COL24A1: variants seen among roughly 807,000 people sequenced by gnomAD.
COL24A1 encodes the protein collagen alpha-1(XXIV) chain.
A neutral mutation model predicts 253.9 loss-of-function variants in COL24A1; 224 were observed. The observed-to-expected ratio is 0.88, with a 90% CI of 0.79 to 0.99. The LOEUF is 0.99. Ranked by LOEUF, COL24A1 falls within the 50% of genes least tolerant of loss-of-function variation. COL24A1 has a pLI of 0.00. For synonymous variants in COL24A1, 685 were observed against 673.7 expected, an observed-to-expected ratio of 1.02 and a Z score of -0.26; for missense variants, 2,131 against 2,068.5, an observed-to-expected ratio of 1.03 and a Z score of -0.59.
chr1:85,971,070 G>T (rs1012830767), intron 21 of COL24A1, among the ~76,000 whole-genome samples: 12 of 152,188 alleles, frequency 7.9e-5, no homozygotes, highest in Admixed American at 2.6e-4. Flanking sequence ...AATTAGCCAG[G>T]CATGGTGGTG....
At chr1:85,811,204 T>G (rs192780399) in intron 47 of COL24A1, among the ~76,000 whole-genome samples, 3 of 152,320 alleles carry the variant, frequency 2.0e-5, no homozygotes, top group African/African-American at 4.8e-5. Flanking sequence ...AATGTCACAT[T>G]TTGTTTATTC....
chr1:86,081,118 T>C (rs1028016951), intron 7 of COL24A1, among the ~76,000 whole-genome samples: 1 of 152,188 alleles, frequency 6.6e-6, no homozygotes, highest in African/African-American at 2.4e-5. Flanking sequence ...CATCATTTAT[T>C]TGAAAAAAAT....
chr1:86,009,434 G>A lies in COL24A1; in HGVS notation c.2310+7717C>T, dbSNP rs574768940. 7.2e-5 allele frequency among the ~76,000 whole-genome samples: 11 copies of A among 152,256 alleles called. No individual in the cohort carries two copies. In the South Asian group the frequency reaches 2.1e-3, roughly 29 times the overall value. ...TACTTCCACAGACCTAGATAGTATA[G>A]TCTACTACAAACCTAAGCTATATGG... is the stretch of plus-strand genomic sequence containing the variant. On this transcript the variant is annotated intron_variant, in intron 19 of 59. Transcript: ENST00000370571.
intron 12 of COL24A1, among the ~76,000 whole-genome samples, chr1:86,041,235 T>C (rs1055203644): frequency 6.6e-6 from 1 of 152,164 alleles, no homozygotes; most frequent in Non-Finnish European, 1.5e-5. Flanking sequence ...ACAGTTTTGC[T>C]CTTTGTCAAA....
intron 2 of COL24A1, among the ~76,000 whole-genome samples, chr1:86,131,772 T>A (rs1337407164): frequency 6.6e-6 from 1 of 152,124 alleles, no homozygotes; most frequent in Non-Finnish European, 1.5e-5. Flanking sequence ...TGTTGAACAT[T>A]TGGGTTGGTT....
At chr1:85,835,699 CA>C (rs1675921781) in intron 43 of COL24A1, among the ~76,000 whole-genome samples, 2 of 151,936 alleles carry the variant, frequency 1.3e-5, no homozygotes, top group Non-Finnish European at 2.9e-5. Context: ...ATCCAGAATA[CA>C]GAAATCCAGA....
intron 19 of COL24A1, among the ~76,000 whole-genome samples, chr1:86,004,409 C>T (rs1695733672): frequency 6.6e-6 from 1 of 152,052 alleles, no homozygotes; most frequent in Non-Finnish European, 1.5e-5. Context: ...AGGAGTAGGC[C>T]CATGATGTAA....
chr1:85,905,890 A>T (rs976231352), intron 28 of COL24A1, among the ~76,000 whole-genome samples: 9 of 152,070 alleles, frequency 5.9e-5, no homozygotes, highest in African/African-American at 2.2e-4. Context: ...TCTTTTTTTC[A>T]TCTGTCACAA....
chr1:85,907,053 C>A (rs1684904833), intron 28 of COL24A1, 141 bp downstream of exon 28: 1 of 585,934 alleles, frequency 1.7e-6, no homozygotes, highest in Non-Finnish European at 3.0e-6. Flanking sequence ...GGGCATTCAT[C>A]TAATATAATG....
chr1:85,816,048 T>C, intron 47 of COL24A1, among the ~76,000 whole-genome samples: 1 of 152,128 alleles, frequency 6.6e-6, no homozygotes, highest in East Asian at 1.9e-4. Context: ...ACAAATCCAA[T>C]AATGTGGACT....
intron 7 of COL24A1, among the ~76,000 whole-genome samples, chr1:86,070,921 T>C (rs1047537646): frequency 1.3e-5 from 2 of 152,052 alleles, no homozygotes; most frequent in Non-Finnish European, 2.9e-5. Flanking sequence ...AAATAGTAGG[T>C]ACACAGAAAA....
intron 19 of COL24A1, among the ~76,000 whole-genome samples, chr1:85,999,569 C>T (rs374602366): frequency 5.3e-5 from 8 of 151,634 alleles, no homozygotes; most frequent in East Asian, 3.9e-4. Flanking sequence ...CTGCAGTGGC[C>T]GTGATCACGC....
rs1161223208 is a variant in COL24A1 at position 86,017,143 on chromosome 1, T to C, written c.2310+8A>G. ...TTCAAATTTATTAACTTTCCACCAA[T>C]ATTTTACCTCTGGTCCTGGAGGGCC... On this transcript the variant is annotated splice_region_variant and intron_variant, in intron 19 of 59. Transcript: ENST00000370571. 1.9e-6 allele frequency: 3 copies of C among 1,595,114 alleles called. No homozygotes were observed. The South Asian group carries it at 3.4e-5, about 18-fold the overall frequency.
intron 19 of COL24A1, among the ~76,000 whole-genome samples, chr1:86,011,374 C>A (rs1395159911): frequency 6.6e-6 from 1 of 152,032 alleles, no homozygotes; most frequent in African/African-American, 2.4e-5. Context: ...AATACAATTG[C>A]AAGATATTTT....
chr1:85,745,177 A>C (rs1454595864), intron 56 of COL24A1, among the ~76,000 whole-genome samples: 1 of 152,072 alleles, frequency 6.6e-6, no homozygotes, highest in African/African-American at 2.4e-5. Context: ...TCATTTAACT[A>C]CTTTCTTGGA....
At chr1:85,870,098 G>C (rs1481774025) in intron 35 of COL24A1, among the ~76,000 whole-genome samples, 2 of 152,186 alleles carry the variant, frequency 1.3e-5, no homozygotes, top group Non-Finnish European at 1.5e-5. Context: ...AAGAGACAAA[G>C]AGGGCCATTA....
chr1:86,015,678 T>A (rs1340099799), intron 19 of COL24A1, among the ~76,000 whole-genome samples: 2 of 152,166 alleles, frequency 1.3e-5, no homozygotes, highest in Admixed American at 1.3e-4. Flanking sequence ...CAGTAAATAC[T>A]ATTCATTCCA....
intron 53 of COL24A1, among the ~76,000 whole-genome samples, chr1:85,773,266 A>T (rs1227468455): frequency 6.6e-6 from 1 of 152,184 alleles, no homozygotes; most frequent in Non-Finnish European, 1.5e-5. Flanking sequence ...TGTTTTGGTT[A>T]CTACCGTCTT....
At chr1:85,970,831 C>T (rs1324306523) in intron 21 of COL24A1, among the ~76,000 whole-genome samples, 1 of 152,092 alleles carries the variant, frequency 6.6e-6, no homozygotes, top group Non-Finnish European at 1.5e-5. Context: ...TCAGACATTC[C>T]ATTGGAGACC....
Sources: allele counts gnomAD v4.1 joint callset (sites outside exome capture counted in the v4.1 genomes callset), GRCh38; gene constraint gnomAD v4.1.1; transcripts MANE v1.5; gene names NCBI Gene and HGNC (gene_info 2026-07-23, HGNC 2026-07-21).